TRAPPC9: variants seen among roughly 807,000 people sequenced by gnomAD.
The protein encoded by TRAPPC9 is trafficking protein particle complex subunit 9, also known as IKK2 binding protein.
A neutral mutation model predicts 124.0 loss-of-function variants in TRAPPC9; 83 were observed. The observed-to-expected ratio is 0.67, with a 90% confidence interval of 0.56 to 0.80. TRAPPC9 has a LOEUF of 0.80. Ranked by LOEUF, TRAPPC9 falls within the 30% of genes least tolerant of loss-of-function variation. TRAPPC9 has a pLI of 0.00. For missense variants in TRAPPC9, 1,302 were observed against 1,508.3 expected (o/e 0.86, Z 2.27); for synonymous variants, 638 against 617.5 (o/e 1.03, Z -0.49).
At chr8:140,423,741 CACATATATAT>C (rs2070323513) in intron 5 of TRAPPC9, among the ~76,000 whole-genome samples, 2 of 151,236 alleles carry the variant, frequency 1.3e-5, no homozygotes, top group South Asian at 4.2e-4. Flanking sequence ...TACATATACA[CACATATATAT>C]ACATATATAT....
chr8:139,997,785 T>C lies in TRAPPC9; in HGVS notation c.2700-8949A>G, dbSNP rs368388007. Reference sequence around the variant, plus strand: ...CCTACACAGGGGAGACAGTGCATCCTACACAGGGAGACAATGCATCCTACA... The same window carrying C: ...CCTACACAGGGGAGACAGTGCATCCCACACAGGGAGACAATGCATCCTACA... On this transcript the variant is annotated intron_variant, in intron 18 of 22. Coordinates refer to ENST00000438773, the MANE Select transcript of TRAPPC9 (RefSeq NM_001160372.4). 2.7e-4 allele frequency among the ~76,000 whole-genome samples: 30 copies of C among 111,014 alleles called. 1 individual carries two copies. In the Admixed American group the frequency reaches 2.8e-3, roughly 10 times the overall value. The allele number at this position is 111,014 out of a possible 152,430, so 72.8% of individuals were successfully genotyped here. A position where few individuals can be genotyped will look rare whatever the true frequency, so the allele number is the denominator to read the frequency against.
intron 19 of TRAPPC9, among the ~76,000 whole-genome samples, chr8:139,973,831 C>T (rs556358191): frequency 6.6e-6 from 1 of 152,108 alleles, no homozygotes; most frequent in Non-Finnish European, 1.5e-5. Context: ...CTCCACAGAC[C>T]CACTCCTGGA....
intron 21 of TRAPPC9, among the ~76,000 whole-genome samples, chr8:139,781,889 A>C (rs149817959): frequency 6.6e-6 from 1 of 152,186 alleles, no homozygotes. Context: ...AAATAGAACA[A>C]AGAACAGTTG....
chr8:140,457,094 G>A (rs1046265039), intron 1 of TRAPPC9, among the ~76,000 whole-genome samples: 2 of 152,258 alleles, frequency 1.3e-5, no homozygotes, highest in Admixed American at 6.5e-5. Flanking sequence ...CCAGGAGACA[G>A]GAGGGAAAGG....
At chr8:140,244,770 G>C (rs7823441) in intron 16 of TRAPPC9, among the ~76,000 whole-genome samples, 1 of 145,832 alleles carries the variant, frequency 6.9e-6, no homozygotes, top group South Asian at 2.2e-4. Flanking sequence ...CTGTTACGCA[G>C]AAGTATTATT....
chr8:140,351,812 T>A (rs1349190836), intron 9 of TRAPPC9, among the ~76,000 whole-genome samples: 1 of 152,202 alleles, frequency 6.6e-6, no homozygotes, highest in Non-Finnish European at 1.5e-5. Context: ...CCACATGATC[T>A]GGTTCTAGCC....
At chr8:139,872,064 G>A (rs1587049226) in intron 21 of TRAPPC9, among the ~76,000 whole-genome samples, 1 of 151,792 alleles carries the variant, frequency 6.6e-6, no homozygotes, top group Non-Finnish European at 1.5e-5. Context: ...GAGTGGGCTG[G>A]TAGATGGGTT....
At chr8:139,882,709 T>C (rs1248336931) in intron 21 of TRAPPC9, among the ~76,000 whole-genome samples, 1 of 152,144 alleles carries the variant, frequency 6.6e-6, no homozygotes, top group Non-Finnish European at 1.5e-5. Context: ...CAATAGTGCA[T>C]GGTAGCAGGG....
intron 10 of TRAPPC9, among the ~76,000 whole-genome samples, chr8:140,310,539 C>CA (rs576255121): frequency 1.2e-3 from 176 of 152,260 alleles, no homozygotes; most frequent in Admixed American, 2.0e-3. Flanking sequence ...GAAGAAAAAA[C>CA]AAAAACCTTT....
chr8:139,826,163 C>T (rs1825615713), intron 21 of TRAPPC9, among the ~76,000 whole-genome samples: 1 of 152,176 alleles, frequency 6.6e-6, no homozygotes. Flanking sequence ...CCCAGAGGGG[C>T]AGGCTGTGAG....
At chr8:140,017,145 A>G (rs1460514095) in intron 18 of TRAPPC9, among the ~76,000 whole-genome samples, 1 of 152,248 alleles carries the variant, frequency 6.6e-6, no homozygotes, top group African/African-American at 2.4e-5. Context: ...AATAAGATAC[A>G]AGACGTTTGT....
At chr8:140,306,156 A>G (rs886908736) in intron 10 of TRAPPC9, among the ~76,000 whole-genome samples, 5 of 152,088 alleles carry the variant, frequency 3.3e-5, no homozygotes, top group Non-Finnish European at 4.4e-5. Context: ...ATCTTGGGGG[A>G]AAAAAGATCT....
In TRAPPC9 at chr8:140,291,025, G is replaced by A. The variant is rs770965123; in HGVS notation, c.1822C>T (p.Pro608Ser). ...VCEVQLMVYN[P>S]MPFELRVENM... The stretch of plus-strand genomic sequence containing the variant: ...TCAACTCGAAGTTCAAACGGCATTG[G>A]GTTATATACCATCAGCTGAACTTCA... Residue 608 changes from proline to serine, a missense_variant, in exon 12 of 23, where the codon CCA (proline) becomes TCA (serine). Around this residue, in one of 3 missense-constraint regions of TRAPPC9, gnomAD observed 657 missense variants for 811.2 expected, o/e 0.81. Coordinates refer to ENST00000438773, the MANE Select transcript of TRAPPC9 (RefSeq NM_001160372.4). 6.2e-7 allele frequency: 1 copy of A among 1,614,154 alleles called. No homozygotes were observed. Among genetic ancestry groups the A allele is most frequent in the South Asian group, 1.1e-5 (1 of 91,082 alleles).
chr8:140,242,890 G>A (rs780515550), intron 16 of TRAPPC9, among the ~76,000 whole-genome samples: 1 of 152,202 alleles, frequency 6.6e-6, no homozygotes, highest in African/African-American at 2.4e-5. Context: ...AACCACGGAG[G>A]GGGAGGGAGG....
intron 21 of TRAPPC9, among the ~76,000 whole-genome samples, chr8:139,883,881 T>A (rs528786150): frequency 6.6e-6 from 1 of 152,232 alleles, no homozygotes; most frequent in African/African-American, 2.4e-5. Context: ...TCTCCCTGTT[T>A]GTAAATGATG....
intron 21 of TRAPPC9, among the ~76,000 whole-genome samples, chr8:139,858,786 A>G (rs900608351): frequency 9.9e-5 from 15 of 151,772 alleles, no homozygotes; most frequent in East Asian, 7.8e-4. Flanking sequence ...CCGAGGCCAG[A>G]GCCGACAAGT....
intron 21 of TRAPPC9, among the ~76,000 whole-genome samples, chr8:139,858,383 GCTGCTGAGACCC>G (rs1827929616): frequency 6.6e-6 from 1 of 152,244 alleles, no homozygotes; most frequent in Admixed American, 6.5e-5. Flanking sequence ...CCTCCGCCCA[GCTGCTGAGACCC>G]AGGCCAGCTC....
chr8:139,744,325 C>T (rs1229892429), intron 21 of TRAPPC9, among the ~76,000 whole-genome samples: 3 of 152,188 alleles, frequency 2.0e-5, no homozygotes, highest in Non-Finnish European at 4.4e-5. Flanking sequence ...TCAAATCACA[C>T]AGTCCCCACC....
intron 21 of TRAPPC9, among the ~76,000 whole-genome samples, chr8:139,814,117 A>G (rs1299000253): frequency 6.6e-6 from 1 of 152,168 alleles, no homozygotes; most frequent in East Asian, 1.9e-4. Context: ...AAGAAGAATC[A>G]CGTTCCTCCG....
Sources: gnomAD v4.1 joint callset for allele counts (sites outside exome capture counted in the v4.1 genomes callset) on GRCh38, gnomAD v4.1.1 for gene constraint, gnomAD v4.1.1 regional missense constraint, MANE v1.5 for transcripts, NCBI Gene and HGNC (gene_info 2026-07-23, HGNC 2026-07-21) for gene names.